Variants in SCG3 observed in about 807,000 individuals in gnomAD.
SCG3 encodes secretogranin-3.
In SCG3, 38 loss-of-function variants were observed where a neutral mutation model predicts 56.2. The ratio of observed to expected loss-of-function variants is 0.68; its 90% CI spans 0.52 to 0.89. The LOEUF (loss-of-function observed/expected upper bound fraction) is 0.89. Ranked by LOEUF, SCG3 falls within the 40% of genes least tolerant of loss-of-function variation. The pLI, the probability that SCG3 is intolerant of heterozygous loss-of-function variation, is 0.00. For synonymous variants in SCG3, 176 were observed against 184.2 expected, an observed-to-expected ratio of 0.96 and a Z score of 0.36; for missense variants, 524 against 540.7, an observed-to-expected ratio of 0.97 and a Z score of 0.31.
chr15:51,695,769 A>T lies in SCG3; in HGVS notation c.869-106A>T, dbSNP rs141612794. On this transcript the variant is annotated intron_variant, in intron 7 of 11. Transcript: ENST00000220478. ...CAGTGAGACCTCGTCTTTGAAAAAA[A>T]AAAAAAACCCAAACAAACAAACAAA... 92 of 723,282 alleles carry T rather than the reference A, an allele frequency of 1.3e-4. No homozygotes were observed. In the African/African-American group the frequency reaches 1.5e-3, roughly 12 times the overall value. 44.8% of individuals were successfully genotyped at this position (723,282 alleles called of 1,614,324 possible). A position where few individuals can be genotyped will look rare whatever the true frequency, so the allele number is the denominator to read the frequency against.
intron 10 of SCG3, among the ~76,000 whole-genome samples, chr15:51,704,280 A>T (rs201286857): frequency 7.4e-4 from 44 of 59,172 alleles, no homozygotes; most frequent in Non-Finnish European, 1.1e-3. Flanking sequence ...TATATATATA[A>T]AATAGCTCTT....
At chr15:51,686,538 G>T (rs566375273) in intron 4 of SCG3, among the ~76,000 whole-genome samples, 1 of 152,304 alleles carries the variant, frequency 6.6e-6, no homozygotes, top group East Asian at 1.9e-4. Flanking sequence ...TGCATAGACT[G>T]GGGCAGTTTC....
At chr15:51,711,438 C>T (rs185796948) in intron 10 of SCG3, among the ~76,000 whole-genome samples, 2 of 152,174 alleles carry the variant, frequency 1.3e-5, no homozygotes, top group Admixed American at 6.5e-5. Context: ...TCAAAAGTTG[C>T]AAAAGCCCTA....
chr15:51,706,743 C>T (rs927215042), intron 10 of SCG3, among the ~76,000 whole-genome samples: 4 of 151,980 alleles, frequency 2.6e-5, no homozygotes, highest in East Asian at 1.9e-4. Context: ...TTACAAAGCA[C>T]GTTTCTATGA....
At chr15:51,688,230 A>C (rs1333544123) in intron 4 of SCG3, 30 bp from the exon 5 acceptor site, 2 of 1,596,984 alleles carry the variant, frequency 1.3e-6, no homozygotes, top group South Asian at 2.2e-5. Context: ...TATGATCACT[A>C]TGGTGTGAAG....
At position 51,720,812 on chromosome 15, in the gene SCG3, G is replaced by C; in HGVS notation, c.*1286G>C. 5.5e-6 allele frequency: 1 copy of C among 180,430 alleles called. No individual in the cohort carries two copies. Among genetic ancestry groups the C allele is most frequent in the Admixed American group, 6.3e-5 (1 of 15,818 alleles). 11.2% of individuals were successfully genotyped at this position (180,430 alleles called of 1,614,324 possible). A position where few individuals can be genotyped will look rare whatever the true frequency, so the allele number is the denominator to read the frequency against. ...TGTAAAACGCACCAATCAGCACTCT[G>C]TAAAATGCACCAATCAGCAGGATTC... On this transcript the variant is annotated 3_prime_UTR_variant, in exon 12 of 12. Coordinates refer to ENST00000220478, the MANE Select transcript of SCG3 (RefSeq NM_013243.4).
At chr15:51,692,009 TC>T in intron 6 of SCG3, 149 bp from the exon 7 acceptor site, 1 of 639,996 alleles carries the variant, frequency 1.6e-6, no homozygotes, top group Non-Finnish European at 2.6e-6. Context: ...AGCACACATA[TC>T]TAGAAATGGG....
chr15:51,709,747 G>C (rs1412595036), intron 10 of SCG3, among the ~76,000 whole-genome samples: 3 of 76,038 alleles, frequency 3.9e-5, no homozygotes, highest in East Asian at 4.0e-4. Flanking sequence ...TTGAGACAGA[G>C]TCTCGCTCTG....
intron 10 of SCG3, among the ~76,000 whole-genome samples, chr15:51,704,746 T>C (rs1479228606): frequency 4.6e-5 from 6 of 131,550 alleles, no homozygotes; most frequent in Non-Finnish European, 9.9e-5. Context: ...TTCTACCTTT[T>C]GGCTGTTGTG....
chr15:51,701,407 C>T (rs1251131996), intron 10 of SCG3, among the ~76,000 whole-genome samples, 163 bp downstream of exon 10: 1 of 152,110 alleles, frequency 6.6e-6, no homozygotes, highest in Non-Finnish European at 1.5e-5. Context: ...GAATAGCAAT[C>T]TTTTTTAATG....
chr15:51,699,618 G>A (rs1002763072), intron 9 of SCG3, among the ~76,000 whole-genome samples: 4 of 152,104 alleles, frequency 2.6e-5, no homozygotes, highest in Non-Finnish European at 5.9e-5. Context: ...AAATAATGTA[G>A]GTCTTTACTG....
intron 10 of SCG3, among the ~76,000 whole-genome samples, chr15:51,704,278 T>TAAAA (rs57504525): frequency 1.3e-4 from 17 of 131,372 alleles, no homozygotes; most frequent in African/African-American, 5.2e-4. Flanking sequence ...TATATATATA[T>TAAAA]AAAATAGCTC....
chr15:51,709,987 C>T (rs779301457), intron 10 of SCG3, among the ~76,000 whole-genome samples: 4 of 149,112 alleles, frequency 2.7e-5, no homozygotes, highest in South Asian at 2.1e-4. Context: ...CCGCCCGCCT[C>T]GGCCTCCCAA....
rs764629973 is a variant in SCG3, at chr15:51,696,018, C to A, written c.985+27C>A. The A allele has an allele frequency of 7.6e-6, 10 of 1,313,362 alleles. No individual in the cohort carries two copies. The African/African-American group carries it at 1.2e-4, about 15-fold the overall frequency. The allele number at this position is 1,313,362 out of a possible 1,614,324, so 81.4% of individuals were successfully genotyped here. On this transcript the variant is annotated intron_variant, in intron 8 of 11. Coordinates refer to ENST00000220478, the MANE Select transcript of SCG3 (RefSeq NM_013243.4). ...TGAGATTCTATGTGTTTTGTTTCTA[C>A]TGTGGTGGTTTTCATTGTTCAAAGT... is the stretch of plus-strand genomic sequence containing the variant.
At chr15:51,704,794 T>C (rs184120835) in intron 10 of SCG3, among the ~76,000 whole-genome samples, 2 of 140,466 alleles carry the variant, frequency 1.4e-5, no homozygotes, top group East Asian at 2.0e-4. Context: ...TATATATATA[T>C]ACATCTCTCT....
intron 10 of SCG3, chr15:51,713,131 G>T (rs971227531): frequency 1.4e-5 from 5 of 369,042 alleles, no homozygotes; most frequent in Admixed American, 5.2e-5. Context: ...AACCTCATCC[G>T]CACCTGCTCT....
At chr15:51,705,098 C>G (rs2055367099) in intron 10 of SCG3, among the ~76,000 whole-genome samples, 1 of 151,852 alleles carries the variant, frequency 6.6e-6, no homozygotes, top group Admixed American at 6.6e-5. Context: ...AGACAGAGAA[C>G]CACGAATTGG....
rs1458181008 is a variant in SCG3, at chr15:51,692,452, C to A, written c.868+116C>A. On this transcript the variant is annotated intron_variant, in intron 7 of 11. Coordinates refer to ENST00000220478, the MANE Select transcript of SCG3 (RefSeq NM_013243.4). ...CAAATGTAATCTCCAATGACATACA[C>A]TGTGGGCTTGGGGAAAAGGGTTCAC... The A allele has an allele frequency of 5.4e-6, 5 of 929,962 alleles. No individual in the cohort carries two copies. In the African/African-American group the frequency reaches 8.3e-5, roughly 15 times the overall value. 57.6% of individuals were successfully genotyped at this position (929,962 alleles called of 1,614,324 possible).
intron 9 of SCG3, among the ~76,000 whole-genome samples, chr15:51,700,268 T>C (rs965776194): frequency 2.0e-5 from 3 of 152,254 alleles, no homozygotes; most frequent in Admixed American, 6.5e-5. Flanking sequence ...GCGAATGTTT[T>C]ATATCAGACA....
Sources: allele counts gnomAD v4.1 joint callset (sites outside exome capture counted in the v4.1 genomes callset), GRCh38; gene constraint gnomAD v4.1.1; transcripts MANE v1.5; gene names NCBI Gene and HGNC (gene_info 2026-07-23, HGNC 2026-07-21).